RASA3: variants seen among roughly 807,000 people sequenced by gnomAD.
The protein encoded by RASA3 is RAS p21 protein activator 3, also known as ras GTPase-activating protein 3.
Under a neutral mutation model 110.0 loss-of-function variants are expected in RASA3, and 73 were observed. The ratio of observed to expected loss-of-function variants is 0.66; its 90% CI spans 0.55 to 0.81. RASA3 has a LOEUF of 0.81. Ranked by LOEUF, RASA3 falls within the 30% of genes least tolerant of loss-of-function variation. The probability of loss-of-function intolerance (pLI) is 0.00; values close to 1 mark genes in which losing one functional copy is unlikely to be tolerated. For missense variants in RASA3, 976 were observed against 1,113.2 expected (o/e 0.88, Z 1.75); for synonymous variants, 500 against 451.4 (o/e 1.11, Z -1.37).
At chr13:114,047,410 G>C (rs750539627) in intron 3 of RASA3, among the ~76,000 whole-genome samples, 1 of 152,184 alleles carries the variant, frequency 6.6e-6, no homozygotes, top group Non-Finnish European at 1.5e-5. Context: ...CCTAAGGGCC[G>C]GGCAGGATGC....
intron 3 of RASA3, among the ~76,000 whole-genome samples, chr13:114,047,620 T>C (rs569330580): frequency 1.3e-5 from 2 of 152,384 alleles, no homozygotes; most frequent in African/African-American, 4.8e-5. Context: ...ACGGTGACTT[T>C]ATTCATAATT....
Position 114,018,858 on chromosome 13 carries a change from G to C in RASA3, c.847C>G (p.Leu283Val). Residue 283 changes from leucine (L) to valine (V), a missense_variant, in exon 10 of 24, where the codon CTG becomes GTG. By Grantham distance (32) the Leu-to-Val change is conservative (BLOSUM62 1). This residue lies in a region of RASA3 where 732 missense variants were observed against 779.7 expected (regional missense o/e 0.94). Coordinates refer to ENST00000334062, the MANE Select transcript of RASA3 (RefSeq NM_007368.4). ...TCCGTGTATACCACGTTCAGCCGCAGGGAGCCCAGGTCGTCTGGCTTTAGG... is the reference window on the plus strand; with the variant it reads ...TCCGTGTATACCACGTTCAGCCGCACGGAGCCCAGGTCGTCTGGCTTTAGG... ...KSLKPDDLGS[L>V]RLNVVYTEDH... 6.2e-7 allele frequency: 1 copy of C among 1,613,968 alleles called. No individual in the cohort carries two copies. Among genetic ancestry groups the C allele is most frequent in the Non-Finnish European group, 8.5e-7 (1 of 1,180,012 alleles).
chr13:114,069,038 C>T (rs141315968), intron 2 of RASA3, among the ~76,000 whole-genome samples: 128 of 152,242 alleles, frequency 8.4e-4, no homozygotes, highest in Admixed American at 2.7e-3. Context: ...GGGCCTCGGA[C>T]GCGCGGCCCA....
intron 1 of RASA3, among the ~76,000 whole-genome samples, chr13:114,128,805 G>C (rs1391691576): frequency 6.6e-6 from 1 of 152,242 alleles, no homozygotes; most frequent in African/African-American, 2.4e-5. Flanking sequence ...GGAAGCCCCA[G>C]CGGGGAGCCC....
chr13:113,981,539 G>GC lies in RASA3; in HGVS notation c.2429+135dup, dbSNP rs1025668664. On this transcript the variant is annotated intron_variant, in intron 23 of 23. Transcript: ENST00000334062. ...GACTACCGCCAGGTGCCAGCCCGGT[G>GC]CAAGTGGGACTCTCCTCCCAGGCGG... is the stretch of plus-strand genomic sequence containing the variant. 8 of 959,482 alleles carry GC rather than the reference G, an allele frequency of 8.3e-6. No homozygotes were observed. The Admixed American group carries it at 1.6e-4, about 19-fold the overall frequency. The allele number at this position is 959,482 out of a possible 1,614,324, so 59.4% of individuals were successfully genotyped here.
intron 1 of RASA3, among the ~76,000 whole-genome samples, chr13:114,093,951 A>G (rs1397229953): frequency 6.6e-6 from 1 of 152,124 alleles, no homozygotes; most frequent in East Asian, 1.9e-4. Flanking sequence ...TTGTAAATTC[A>G]GTCTCTGTTT....
At chr13:114,082,234 T>C (rs570960465) in intron 1 of RASA3, among the ~76,000 whole-genome samples, 1 of 152,316 alleles carries the variant, frequency 6.6e-6, no homozygotes, top group Non-Finnish European at 1.5e-5. Context: ...GACGTCCACG[T>C]CTGAGACAAA....
chr13:113,997,733 C>T (rs186864704), intron 20 of RASA3, among the ~76,000 whole-genome samples: 9 of 152,254 alleles, frequency 5.9e-5, no homozygotes, highest in Admixed American at 5.9e-4. Flanking sequence ...TGGGAGGGCT[C>T]TCATGTGGGA....
chr13:114,075,282 T>C (rs1028674309), intron 1 of RASA3, among the ~76,000 whole-genome samples: 1 of 152,012 alleles, frequency 6.6e-6, no homozygotes, highest in Non-Finnish European at 1.5e-5. Context: ...ATGGCTCACA[T>C]GGGGCAGTCG....
At chr13:114,028,528 GCC>G (rs1484072243) in intron 5 of RASA3, among the ~76,000 whole-genome samples, 1 of 140,298 alleles carries the variant, frequency 7.1e-6, no homozygotes, top group Non-Finnish European at 1.5e-5. Context: ...CATCCTGGGG[GCC>G]CAGAACCTCT....
chr13:114,095,050 T>A (rs1001273286), intron 1 of RASA3, among the ~76,000 whole-genome samples: 5 of 152,254 alleles, frequency 3.3e-5, no homozygotes, highest in African/African-American at 1.2e-4. Flanking sequence ...TTCATTTTAA[T>A]TCATGAAATG....
intron 1 of RASA3, among the ~76,000 whole-genome samples, chr13:114,102,434 C>T (rs1186776601): frequency 6.6e-6 from 1 of 152,028 alleles, no homozygotes; most frequent in African/African-American, 2.4e-5. Context: ...GGAGTGAGAG[C>T]GCTTCCCACA....
intron 9 of RASA3, among the ~76,000 whole-genome samples, chr13:114,020,211 C>T (rs1374306225): frequency 3.3e-5 from 2 of 59,832 alleles, no homozygotes; most frequent in Non-Finnish European, 6.2e-5. Flanking sequence ...AGCCTGTGTC[C>T]GAGGCATTAG....
chr13:114,017,756 AGG>A (rs2053825268), intron 11 of RASA3, among the ~76,000 whole-genome samples: 2 of 152,312 alleles, frequency 1.3e-5, no homozygotes, highest in South Asian at 4.1e-4. Context: ...TTTCTAGAAC[AGG>A]GCGTCCGGAA....
intron 20 of RASA3, among the ~76,000 whole-genome samples, chr13:113,998,286 A>G (rs1215791146): frequency 2.0e-5 from 3 of 151,594 alleles, no homozygotes; most frequent in Non-Finnish European, 4.4e-5. Context: ...TTCTCTTCCC[A>G]GCCCTCCTCT....
At chr13:114,079,878 G>C (rs533213557) in intron 1 of RASA3, among the ~76,000 whole-genome samples, 137 of 152,260 alleles carry the variant, frequency 9.0e-4, no homozygotes, top group African/African-American at 3.2e-3. Context: ...GCACATCTCG[G>C]TGGGCTGACT....
chr13:114,117,376 A>AG (rs1236526207), intron 1 of RASA3, among the ~76,000 whole-genome samples: 3 of 134,792 alleles, frequency 2.2e-5, no homozygotes, highest in Non-Finnish European at 4.7e-5. Context: ...CACGTGTGTG[A>AG]GGGGAGCACG....
chr13:113,990,883 T>C (rs1459492987), intron 22 of RASA3, among the ~76,000 whole-genome samples: 2 of 152,256 alleles, frequency 1.3e-5, no homozygotes, highest in Non-Finnish European at 1.5e-5. Context: ...TATGCATACA[T>C]GTGTATGTGC....
chr13:113,998,552 T>C (rs377025418), intron 20 of RASA3, among the ~76,000 whole-genome samples: 5 of 152,292 alleles, frequency 3.3e-5, no homozygotes, highest in East Asian at 3.9e-4. Flanking sequence ...AGCCTCAGGA[T>C]GGCACGGACG....
Sources: gnomAD v4.1 joint callset for allele counts (sites outside exome capture counted in the v4.1 genomes callset) on GRCh38, gnomAD v4.1.1 for gene constraint, gnomAD v4.1.1 regional missense constraint, MANE v1.5 for transcripts, NCBI Gene and HGNC (gene_info 2026-07-23, HGNC 2026-07-21) for gene names.